Variants in RMND1 observed in about 807,000 individuals in gnomAD.
The protein encoded by RMND1 is required for meiotic nuclear division 1 homolog, also known as required for meiotic nuclear division protein 1 homolog.
Under a neutral mutation model 54.0 loss-of-function variants are expected in RMND1, and 41 were observed. The observed-to-expected ratio is 0.76, with a 90% CI of 0.59 to 0.98. The LOEUF (loss-of-function observed/expected upper bound fraction) is 0.98. Among genes scored for constraint, RMND1 ranks in the 50% least tolerant of loss-of-function variants. RMND1 has a pLI of 0.00. For synonymous variants in RMND1, 183 were observed against 181.7 expected (o/e 1.01, Z -0.06); for missense variants, 457 against 532.0 (o/e 0.86, Z 1.39).
At chr6:151,435,756 A>AT (rs931168293) in intron 3 of RMND1, among the ~76,000 whole-genome samples, 4 of 148,114 alleles carry the variant, frequency 2.7e-5, no homozygotes, top group Non-Finnish European at 3.0e-5. Context: ...GAGCTGGTAA[A>AT]TTTTTTTTTT....
chr6:151,416,451 TCTCA>T (rs1243381401), intron 10 of RMND1: 1 of 133,120 alleles, frequency 7.5e-6, no homozygotes, highest in Non-Finnish European at 1.6e-5. Flanking sequence ...TGAGACGGAG[TCTCA>T]CTCTGTCATC....
chr6:151,426,210 G>C (rs1394454031), intron 6 of RMND1, among the ~76,000 whole-genome samples: 1 of 152,124 alleles, frequency 6.6e-6, no homozygotes, highest in Non-Finnish European at 1.5e-5. Flanking sequence ...GCCTCCCAAA[G>C]TGCTGAGATT....
intron 1 of RMND1, among the ~76,000 whole-genome samples, chr6:151,449,689 CTGA>C (rs780188993): frequency 8.5e-4 from 129 of 152,336 alleles, no homozygotes; most frequent in Non-Finnish European, 1.5e-3. Flanking sequence ...CGGTCTCCCT[CTGA>C]TGCCGAGCCG....
At chr6:151,424,668 C>T (rs977700174) in intron 6 of RMND1, among the ~76,000 whole-genome samples, 1 of 152,028 alleles carries the variant, frequency 6.6e-6, no homozygotes, top group Admixed American at 6.6e-5. Context: ...GGAGTGTAAT[C>T]TAAAATCACA....
At chr6:151,408,860 G>A (rs1255573600) in intron 10 of RMND1, 1 of 152,178 alleles carries the variant, frequency 6.6e-6, no homozygotes, top group East Asian at 1.9e-4. Flanking sequence ...TCTCCAAAGA[G>A]GAATCAACAT....
chr6:151,450,644 G>A (rs1367751066), intron 1 of RMND1, among the ~76,000 whole-genome samples: 17 of 149,596 alleles, frequency 1.1e-4, no homozygotes, highest in African/African-American at 3.7e-4. Flanking sequence ...CTGCCCGGCC[G>A]CCCCTACTGG....
In RMND1 at chr6:151,405,024, A is replaced by G; in HGVS notation, c.*211T>C. The G allele has an allele frequency of 2.0e-6, 1 of 490,352 alleles. No individual in the cohort carries two copies. The highest frequency in any genetic ancestry group is 3.9e-5 in the East Asian group (1 of 25,508). 30.4% of individuals were successfully genotyped at this position (490,352 alleles called of 1,614,324 possible). On this transcript the variant is annotated 3_prime_UTR_variant, in exon 12 of 12. Transcript: ENST00000444024. ...GCTGAGATGACGGGCGTGTGCCAAC[A>G]CACCTGGCTAATTTTGGTATTTTTA...
intron 10 of RMND1, among the ~76,000 whole-genome samples, chr6:151,406,742 CAT>C (rs1424434199): frequency 2.0e-5 from 3 of 152,148 alleles, no homozygotes; most frequent in Non-Finnish European, 4.4e-5. Flanking sequence ...CAGTTTGTCT[CAT>C]GGGTATGCTG....
At chr6:151,442,343 G>A (rs1780805115) in intron 2 of RMND1, among the ~76,000 whole-genome samples, 1 of 152,094 alleles carries the variant, frequency 6.6e-6, no homozygotes, top group African/African-American at 2.4e-5. Context: ...AATGTATTCT[G>A]TTATTTTCTA....
intron 9 of RMND1, among the ~76,000 whole-genome samples, chr6:151,418,379 A>T (rs977165246): frequency 6.6e-6 from 1 of 151,982 alleles, no homozygotes; most frequent in African/African-American, 2.4e-5. Flanking sequence ...GTGACACTGT[A>T]CTCCAGCCTA....
At position 151,423,535 on chromosome 6, in the gene RMND1, T is replaced by C. The variant is rs377658470; in HGVS notation, c.927A>G (p.Leu309=). The C allele has an allele frequency of 6.1e-5, 98 of 1,607,140 alleles. No homozygotes were observed. Among genetic ancestry groups the C allele is most frequent in the Non-Finnish European group, 7.8e-5 (92 of 1,173,840 alleles). The change falls in exon 7 of 12, where the codon CTA becomes CTG. Residue 309 remains leucine (L), a synonymous_variant. Transcript: ENST00000444024. The part of the protein sequence containing the change: ...ILEKFAFSNA[L]CLSVKLAIWE... The stretch of plus-strand genomic sequence containing the variant: ...GCAGTAGTAACTTACCAGAAAGGCA[T>C]AGAGCATTGGAGAAAGCAAACTTCT...
In RMND1 at chr6:151,427,598, G is replaced by A. The variant is rs1327582406; in HGVS notation, c.730-16C>T. On this transcript the variant is annotated splice_polypyrimidine_tract_variant and intron_variant, in intron 5 of 11. Transcript: ENST00000444024. ...CATGCTTCATCTAGAAGAAAAGGAA[G>A]ATTAATCTGAAATCATAACTGACTC... 6 of 1,522,440 alleles carry A rather than the reference G, an allele frequency of 3.9e-6. No individual in the cohort carries two copies. The highest frequency in any genetic ancestry group is 5.5e-6 in the Non-Finnish European group (6 of 1,098,652). The allele number at this position is 1,522,440 out of a possible 1,614,324, so 94.3% of individuals were successfully genotyped here.
chr6:151,431,742 A>G (rs1250939742), intron 4 of RMND1, among the ~76,000 whole-genome samples: 1 of 152,198 alleles, frequency 6.6e-6, no homozygotes, highest in African/African-American at 2.4e-5. Flanking sequence ...TATCATTATT[A>G]ATTACATGTT....
intron 2 of RMND1, among the ~76,000 whole-genome samples, chr6:151,443,306 AAC>A (rs1308190997): frequency 6.6e-6 from 1 of 152,102 alleles, no homozygotes; most frequent in Non-Finnish European, 1.5e-5. Context: ...CCACTTTAGA[AAC>A]ATGATTTTCT....
intron 4 of RMND1, among the ~76,000 whole-genome samples, chr6:151,432,022 G>A (rs1582958910): frequency 6.8e-6 from 1 of 147,460 alleles, no homozygotes; most frequent in African/African-American, 2.6e-5. Flanking sequence ...CACAACCATC[G>A]CCTCCCGCAT....
chr6:151,438,770 C>CT (rs1458173374), intron 2 of RMND1, among the ~76,000 whole-genome samples: 1 of 151,790 alleles, frequency 6.6e-6, no homozygotes, highest in African/African-American at 2.4e-5. Flanking sequence ...CTGGCCAAGC[C>CT]CATCTGCACT....
intron 5 of RMND1, among the ~76,000 whole-genome samples, chr6:151,428,447 T>C (rs745957796): frequency 5.9e-5 from 9 of 152,248 alleles, no homozygotes; most frequent in Non-Finnish European, 1.2e-4. Flanking sequence ...AATGTTGCGA[T>C]GTGCCACACT....
Position 151,405,141 on chromosome 6 carries a change from A to T in RMND1, c.*94T>A. ...CTTCTTGGCCTCCGAAAGTGCTGGG[A>T]TTACAGGCATGAGGCACCGCGCCGG... is the stretch of plus-strand genomic sequence containing the variant. On this transcript the variant is annotated 3_prime_UTR_variant, in exon 12 of 12. Coordinates refer to ENST00000444024, the MANE Select transcript of RMND1 (RefSeq NM_017909.4). The T allele has an allele frequency of 9.0e-7, 1 of 1,116,372 alleles. No individual in the cohort carries two copies. Among genetic ancestry groups the T allele is most frequent in the South Asian group, 1.3e-5 (1 of 77,292 alleles). 69.2% of individuals were successfully genotyped at this position (1,116,372 alleles called of 1,614,324 possible). A position where few individuals can be genotyped will look rare whatever the true frequency, so the allele number is the denominator to read the frequency against.
chr6:151,422,210 T>C (rs1447296006), intron 8 of RMND1, among the ~76,000 whole-genome samples: 2 of 152,228 alleles, frequency 1.3e-5, no homozygotes, highest in African/African-American at 4.8e-5. Context: ...TGGTTGCATC[T>C]GTACCGAACA....
Sources: gnomAD v4.1 joint callset for allele counts (sites outside exome capture counted in the v4.1 genomes callset) on GRCh38, gnomAD v4.1.1 for gene constraint, MANE v1.5 for transcripts, NCBI Gene and HGNC (gene_info 2026-07-23, HGNC 2026-07-21) for gene names.